COP1: variants seen among roughly 807,000 people sequenced by gnomAD.
The protein encoded by COP1 is E3 ubiquitin-protein ligase COP1.
COP1 carries 24 observed loss-of-function variants against 101.3 expected under a neutral mutation model. That is an observed-to-expected ratio of 0.24 (90% CI 0.17 to 0.33). COP1 has a LOEUF of 0.33. Ranked by LOEUF, COP1 falls within the 10% of genes least tolerant of loss-of-function variation. The pLI, the probability that COP1 is intolerant of heterozygous loss-of-function variation, is 1.00. For missense variants in COP1, 663 were observed against 906.2 expected (o/e 0.73, Z 3.45); for synonymous variants, 347 against 341.9 (o/e 1.01, Z -0.17).
In COP1 at chr1:176,163,894, G is replaced by GA; in HGVS notation, c.566-4dup. ...CTGTTTAAGAATGAGTTCATTCACTGAAAACAGAAACAAAATAAAAAGCAC... is the reference window on the plus strand; with the variant it reads ...CTGTTTAAGAATGAGTTCATTCACTGAAAAACAGAAACAAAATAAAAAGCAC... On this transcript the variant is annotated splice_polypyrimidine_tract_variant and splice_region_variant and intron_variant, in intron 3 of 19. Coordinates refer to ENST00000367669, the MANE Select transcript of COP1 (RefSeq NM_022457.7). 1 of 1,582,378 alleles carries GA rather than the reference G, an allele frequency of 6.3e-7. No individual in the cohort carries two copies.
chr1:176,122,536 T>G (rs1293784198), intron 8 of COP1, among the ~76,000 whole-genome samples: 1 of 152,148 alleles, frequency 6.6e-6, no homozygotes, highest in African/African-American at 2.4e-5. Context: ...TATCTATGAT[T>G]TCTACAGGAA....
rs181428765 is a variant in COP1 at position 176,181,528 on chromosome 1, T to C, written c.467+3105A>G. Among the ~76,000 whole-genome samples the C allele has an allele frequency of 3.0e-3, 455 of 152,150 alleles. 2 individuals carry two copies. The highest frequency in any genetic ancestry group is 0.01 in the African/African-American group (428 of 41,548). On this transcript the variant is annotated intron_variant, in intron 2 of 19. Coordinates refer to ENST00000367669, the MANE Select transcript of COP1 (RefSeq NM_022457.7). ...TTATGGCCTCTATTCTACTAAAACCTGCTCTCCAGTGGGTATCTTAAAACA... is the reference window on the plus strand; with the variant it reads ...TTATGGCCTCTATTCTACTAAAACCCGCTCTCCAGTGGGTATCTTAAAACA...
chr1:176,058,628 C>T (rs969280772), intron 11 of COP1, among the ~76,000 whole-genome samples: 8 of 152,060 alleles, frequency 5.3e-5, no homozygotes, highest in African/African-American at 4.8e-5. Context: ...TGCGGAAGGC[C>T]GCAGGGTCCT....
chr1:175,945,480 G>C (rs1649052623), intron 19 of COP1, among the ~76,000 whole-genome samples: 2 of 152,282 alleles, frequency 1.3e-5, no homozygotes, highest in South Asian at 4.1e-4. Flanking sequence ...ATATATGTTG[G>C]AATCTTTCCA....
chr1:176,200,681 CAT>C (rs1486777541), intron 1 of COP1, among the ~76,000 whole-genome samples: 2 of 151,572 alleles, frequency 1.3e-5, no homozygotes, highest in Non-Finnish European at 2.9e-5. Context: ...GGACAACTAA[CAT>C]ATTTTAAGTA....
intron 2 of COP1, among the ~76,000 whole-genome samples, chr1:176,178,872 A>G (rs1697341094): frequency 6.6e-6 from 1 of 151,744 alleles, no homozygotes. Context: ...TCCATCCCAA[A>G]AAAAGGTAAG....
At chr1:176,007,051 T>C (rs566750779) in intron 15 of COP1, among the ~76,000 whole-genome samples, 7 of 152,262 alleles carry the variant, frequency 4.6e-5, no homozygotes, top group Admixed American at 3.9e-4. Context: ...CTCATTTCTT[T>C]TTATTCTTTT....
chr1:176,114,886 T>G (rs942337867), intron 9 of COP1, among the ~76,000 whole-genome samples: 2 of 152,208 alleles, frequency 1.3e-5, no homozygotes, highest in African/African-American at 4.8e-5. Context: ...TTTAAAGTTA[T>G]ATTGTGATTA....
chr1:175,976,091 C>T (rs1373327392), intron 18 of COP1, among the ~76,000 whole-genome samples: 4 of 151,416 alleles, frequency 2.6e-5, no homozygotes, highest in East Asian at 1.9e-4. Flanking sequence ...CAATCCTTTA[C>T]AAAACAAAAA....
At chr1:176,197,040 T>G (rs1699779053) in intron 1 of COP1, among the ~76,000 whole-genome samples, 1 of 152,172 alleles carries the variant, frequency 6.6e-6, no homozygotes, top group African/African-American at 2.4e-5. Flanking sequence ...AATCCCTATA[T>G]TCTAACTCCC....
At chr1:176,087,729 A>G (rs1434915298) in intron 9 of COP1, among the ~76,000 whole-genome samples, 1 of 152,222 alleles carries the variant, frequency 6.6e-6, no homozygotes, top group Non-Finnish European at 1.5e-5. Flanking sequence ...TAGAAATACC[A>G]TTTGACTCAG....
At chr1:176,078,934 G>A (rs1348053766) in intron 11 of COP1, among the ~76,000 whole-genome samples, 3 of 151,952 alleles carry the variant, frequency 2.0e-5, no homozygotes, top group Admixed American at 6.6e-5. Context: ...ATCAAAACCA[G>A]GATGAGATAC....
chr1:176,003,141 T>G (rs966672954), intron 15 of COP1, among the ~76,000 whole-genome samples: 3 of 152,184 alleles, frequency 2.0e-5, no homozygotes, highest in Non-Finnish European at 4.4e-5. Context: ...GTTTTTTGGC[T>G]GCATAAATGT....
chr1:176,005,038 T>C (rs1260357979), intron 15 of COP1, among the ~76,000 whole-genome samples: 1 of 152,222 alleles, frequency 6.6e-6, no homozygotes, highest in Non-Finnish European at 1.5e-5. Flanking sequence ...GAGCCTGTTA[T>C]TGGTCTACTC....
chr1:176,115,683 T>G (rs773408149), intron 9 of COP1, among the ~76,000 whole-genome samples: 1 of 151,510 alleles, frequency 6.6e-6, no homozygotes, highest in Non-Finnish European at 1.5e-5. Flanking sequence ...CAGGAGGAGG[T>G]TGCAGTGAGC....
intron 11 of COP1, among the ~76,000 whole-genome samples, chr1:176,059,896 A>C (rs1674545181): frequency 6.6e-6 from 1 of 152,210 alleles, no homozygotes; most frequent in Admixed American, 6.5e-5. Context: ...CAACCTTTGC[A>C]AATGTAAAAA....
At chr1:176,198,587 CA>C (rs1246408979) in intron 1 of COP1, among the ~76,000 whole-genome samples, 1 of 151,978 alleles carries the variant, frequency 6.6e-6, no homozygotes, top group Admixed American at 6.6e-5. Context: ...TAATAAAAAT[CA>C]ATTTGGACTT....
intron 15 of COP1, among the ~76,000 whole-genome samples, chr1:176,021,179 C>T (rs1378821154): frequency 1.3e-5 from 2 of 152,100 alleles, no homozygotes; most frequent in Non-Finnish European, 2.9e-5. Context: ...AAAATATGTG[C>T]TAATTACTAG....
chr1:175,983,073 G>A (rs1316028472), intron 18 of COP1, among the ~76,000 whole-genome samples: 1 of 152,134 alleles, frequency 6.6e-6, no homozygotes, highest in Non-Finnish European at 1.5e-5. Flanking sequence ...TGACCGATAT[G>A]CTCATTAGTT....
Sources: gnomAD v4.1 joint callset for allele counts (sites outside exome capture counted in the v4.1 genomes callset) on GRCh38, gnomAD v4.1.1 for gene constraint, MANE v1.5 for transcripts, NCBI Gene and HGNC (gene_info 2026-07-23, HGNC 2026-07-21) for gene names.